MOK: variants seen among roughly 807,000 people sequenced by gnomAD.
The protein encoded by MOK is MAPK/MAK/MRK overlapping kinase.
A neutral mutation model predicts 54.2 loss-of-function variants in MOK; 59 were observed. The ratio of observed to expected loss-of-function variants is 1.09; its 90% CI spans 0.88 to 1.35. MOK has a LOEUF of 1.35. Ranked by LOEUF, MOK falls within the 40% of genes most tolerant of loss-of-function variation. The pLI, the probability that MOK is intolerant of heterozygous loss-of-function variation, is 0.00. For missense variants in MOK, 517 were observed against 526.2 expected, an observed-to-expected ratio of 0.98 and a Z score of 0.17; for synonymous variants, 210 against 202.7, an observed-to-expected ratio of 1.04 and a Z score of -0.31.
In MOK at chr14:102,232,537, C is replaced by G; in HGVS notation, c.864G>C (p.Gln288His). Residue 288 changes from glutamine (Q) to histidine (H), a missense_variant and splice_region_variant, in exon 9 of 12, where the codon CAG (glutamine) becomes CAC (histidine). Physicochemically the swap from Gln to His is conservative, Grantham distance 24. Coordinates refer to ENST00000361847, the MANE Select transcript of MOK (RefSeq NM_014226.3). This position sits in a 1 kb window ranked among gnomAD's most constrained non-coding sequence, Gnocchi z 5.1. ...QALQHPYFQE[Q>H]RKTEKRALGS... ...ACCGAACCCACGAGAGTGCCTACCT[C>G]TGTTCTTGGAAGTAGGGGTGCTGCA... 3 of 1,612,930 alleles carry G rather than the reference C, an allele frequency of 1.9e-6. No homozygotes were observed. Among genetic ancestry groups the G allele is most frequent in the Middle Eastern group, 1.7e-4 (1 of 6,006 alleles).
At chr14:102,290,143 G>GAAA (rs376178602) in intron 1 of MOK, among the ~76,000 whole-genome samples, 5 of 142,366 alleles carry the variant, frequency 3.5e-5, no homozygotes, top group South Asian at 2.2e-4. Context: ...TACACTTAGA[G>GAAA]AAAAAAAAAA....
intron 7 of MOK, among the ~76,000 whole-genome samples, chr14:102,241,884 T>C (rs1353180222): frequency 6.6e-6 from 1 of 152,176 alleles, no homozygotes; most frequent in African/African-American, 2.4e-5. Context: ...CAGAACTGCC[T>C]CCCCAAGGAT....
At chr14:102,294,445 CAAAAAAAA>C (rs540805039) in intron 1 of MOK, among the ~76,000 whole-genome samples, 1 of 64,054 alleles carries the variant, frequency 1.6e-5, no homozygotes, top group Admixed American at 1.9e-4. Flanking sequence ...GACTCCGTCT[CAAAAAAAA>C]AAAAAAAAAA....
intron 1 of MOK, among the ~76,000 whole-genome samples, chr14:102,294,154 T>C (rs531694619): frequency 7.8e-4 from 118 of 151,106 alleles, no homozygotes; most frequent in African/African-American, 2.8e-3. Context: ...ACAAAAAAAT[T>C]AGCCAGGTGA....
At chr14:102,302,229 C>T (rs1240792401) in intron 1 of MOK, among the ~76,000 whole-genome samples, 7 of 150,702 alleles carry the variant, frequency 4.6e-5, no homozygotes, top group African/African-American at 7.3e-5. Context: ...CCTGCCACCA[C>T]GCCTGACTAA....
chr14:102,298,686 A>G (rs1236011778), intron 1 of MOK, among the ~76,000 whole-genome samples: 1 of 152,214 alleles, frequency 6.6e-6, no homozygotes, highest in Non-Finnish European at 1.5e-5. Context: ...GAATAAAAGC[A>G]GGCTGCCCAA....
chr14:102,225,087 A>T (rs1379826832), downstream of MOK: 1 of 294,556 alleles, frequency 3.4e-6, no homozygotes, highest in Non-Finnish European at 6.6e-6. Flanking sequence ...TTTAAGACAG[A>T]GTCTTACCTG....
chr14:102,235,776 C>T lies in MOK; in HGVS notation c.591-1987G>A, dbSNP rs184780413. Among the ~76,000 whole-genome samples, 250 of 152,286 alleles carry T rather than the reference C, an allele frequency of 1.6e-3. 1 individual carries two copies. The highest frequency in any genetic ancestry group is 5.8e-3 in the African/African-American group (241 of 41,542). On this transcript the variant is annotated intron_variant, in intron 7 of 11. Transcript: ENST00000361847. This position sits in a 1 kb window ranked among gnomAD's most constrained non-coding sequence, Gnocchi z 4.4. Reference sequence around the variant, plus strand: ...TCCATTTTATTTCCCAATCTGCCCCCGACATCTGGCGCAAACTTAAAAAGG... The same window carrying T: ...TCCATTTTATTTCCCAATCTGCCCCTGACATCTGGCGCAAACTTAAAAAGG...
Position 102,298,900 on chromosome 14 carries a change from C to T in MOK, c.7+6062G>A, listed in dbSNP as rs954960435. ...CAGGAGGAATGAACAAGTCCAGATG[C>T]GCCGCCTTCAGAGCGATAACACTCA... On this transcript the variant is annotated intron_variant, in intron 1 of 11. Coordinates refer to ENST00000361847, the MANE Select transcript of MOK (RefSeq NM_014226.3). Among the ~76,000 whole-genome samples the T allele has an allele frequency of 3.9e-5, 6 of 152,314 alleles. No individual in the cohort carries two copies. In the East Asian group the frequency reaches 7.7e-4, roughly 20 times the overall value.
At chr14:102,220,824 G>A (rs1266794417), downstream of MOK, among the ~76,000 whole-genome samples, 5 of 151,730 alleles carry the variant, frequency 3.3e-5, no homozygotes, top group Non-Finnish European at 7.4e-5. This position sits in a 1 kb window ranked among gnomAD's most constrained non-coding sequence, Gnocchi z 4.2. Flanking sequence ...CCAGGCTGGA[G>A]TGCAGTGGAT....
downstream of MOK, among the ~76,000 whole-genome samples, chr14:102,224,207 A>G (rs2064156231): frequency 1.3e-5 from 2 of 151,726 alleles, no homozygotes; most frequent in Admixed American, 1.3e-4. Context: ...ACGCCCGGCT[A>G]ATTTTTGTAT....
intron 4 of MOK, among the ~76,000 whole-genome samples, chr14:102,263,251 C>T (rs891957066): frequency 2.0e-5 from 3 of 152,162 alleles, no homozygotes; most frequent in Non-Finnish European, 4.4e-5. Context: ...CACATGCCCA[C>T]GGCGGGGCTG....
chr14:102,247,087 G>A (rs563122050), intron 7 of MOK, among the ~76,000 whole-genome samples: 17 of 151,740 alleles, frequency 1.1e-4, no homozygotes, highest in African/African-American at 2.9e-4. Context: ...CCCTGCACCC[G>A]CCACCTGCGA....
At chr14:102,298,700 A>C (rs562068969) in intron 1 of MOK, among the ~76,000 whole-genome samples, 1 of 152,342 alleles carries the variant, frequency 6.6e-6, no homozygotes, top group Non-Finnish European at 1.5e-5. Context: ...TGCCCAAGCC[A>C]GCAGTGGCAA....
intron 7 of MOK, among the ~76,000 whole-genome samples, chr14:102,248,158 T>G (rs2066240638): frequency 6.6e-6 from 1 of 152,170 alleles, no homozygotes; most frequent in South Asian, 2.1e-4. Flanking sequence ...GCTGGAATGT[T>G]AGAGACAAAC....
At chr14:102,295,326 C>G (rs780405141) in intron 1 of MOK, among the ~76,000 whole-genome samples, 1 of 152,158 alleles carries the variant, frequency 6.6e-6, no homozygotes, top group Admixed American at 6.6e-5. Context: ...TTTATTAAAC[C>G]AAGGCTTGTT....
chr14:102,281,272 C>G (rs968130052), intron 2 of MOK, among the ~76,000 whole-genome samples: 22 of 150,810 alleles, frequency 1.5e-4, no homozygotes, highest in African/African-American at 5.4e-4. Context: ...TGCAGTGAGC[C>G]AAGATCACGC....
chr14:102,274,974 CAA>C (rs756843133), intron 2 of MOK, among the ~76,000 whole-genome samples: 24 of 106,856 alleles, frequency 2.2e-4, no homozygotes, highest in Admixed American at 3.1e-4. Flanking sequence ...GACTCTGTCT[CAA>C]AAAAAAAAAA....
intron 2 of MOK, chr14:102,278,551 C>T (rs1445503813): frequency 1.2e-5 from 5 of 412,370 alleles, no homozygotes; most frequent in African/African-American, 8.1e-5. Context: ...TTGGCATCAG[C>T]ATCTGCAGCT....
Sources: gnomAD v4.1 joint callset for allele counts (sites outside exome capture counted in the v4.1 genomes callset) on GRCh38, gnomAD v4.1.1 for gene constraint, Gnocchi (gnomAD v3.1) non-coding constraint, MANE v1.5 for transcripts, NCBI Gene and HGNC (gene_info 2026-07-23, HGNC 2026-07-21) for gene names.